Variants in TKT observed in about 807,000 individuals in gnomAD.
The protein encoded by TKT is epididymis luminal protein 107.
A neutral mutation model predicts 63.9 loss-of-function variants in TKT; 47 were observed. The ratio of observed to expected loss-of-function variants is 0.74; its 90% confidence interval spans 0.58 to 0.94. The LOEUF is 0.94. TKT is among the 40% of genes least tolerant of loss of function. TKT has a pLI of 0.00. For missense variants in TKT, 721 were observed against 846.2 expected (o/e 0.85, Z 1.84); for synonymous variants, 338 against 334.1 (o/e 1.01, Z -0.13).
Position 53,225,717 on chromosome 3 carries a change from A to G in TKT, c.*39T>C, listed in dbSNP as rs1553675271. 4 of 1,529,272 alleles carry G rather than the reference A, an allele frequency of 2.6e-6. No homozygotes were observed. The highest frequency in any genetic ancestry group is 2.3e-5 in the East Asian group (1 of 42,962). The allele number at this position is 1,529,272 out of a possible 1,614,324, so 94.7% of individuals were successfully genotyped here. A position where few individuals can be genotyped will look rare whatever the true frequency, so the allele number is the denominator to read the frequency against. On this transcript the variant is annotated 3_prime_UTR_variant, in exon 14 of 14. Coordinates refer to ENST00000462138, the MANE Select transcript of TKT (RefSeq NM_001064.4). ...CTTTGAGCACCTTTCCCAGAATCTC[A>G]GGAATGTATAGACCCCCGCCCCACA...
chr3:53,229,262 C>A lies in TKT; in HGVS notation c.1264+18G>T. Reference sequence around the variant, plus strand: ...AAGTCAAGGGAGCTCCAGGTGTAAACACCCTGGCTAAACTCACCGATGGAA... The same window carrying A: ...AAGTCAAGGGAGCTCCAGGTGTAAAAACCCTGGCTAAACTCACCGATGGAA... On this transcript the variant is annotated intron_variant, in intron 9 of 13. Coordinates refer to ENST00000462138, the MANE Select transcript of TKT (RefSeq NM_001064.4). 1 of 1,613,884 alleles carries A rather than the reference C, an allele frequency of 6.2e-7. No individual in the cohort carries two copies. Among genetic ancestry groups the A allele is most frequent in the Non-Finnish European group, 8.5e-7 (1 of 1,179,866 alleles).
Position 53,228,257 on chromosome 3 carries a change from G to T in TKT, c.1479+19C>A, listed in dbSNP as rs1052790458. 6 of 1,614,008 alleles carry T rather than the reference G, an allele frequency of 3.7e-6. No individual in the cohort carries two copies. In the East Asian group the frequency reaches 1.1e-4, roughly 30 times the overall value. ...GTCCAGGCAGCTCTGTGGGCTCCTG[G>T]GGCATGCGAGGCACTGACCTTGGCT... On this transcript the variant is annotated intron_variant, in intron 11 of 13. Coordinates refer to ENST00000462138, the MANE Select transcript of TKT (RefSeq NM_001064.4).
rs989282556 is a variant in TKT at position 53,231,462 on chromosome 3, C to G, written c.837G>C (p.Gln279His). The change falls in exon 7 of 14, where the codon CAG becomes CAC. Residue 279 changes from glutamine (Q) to histidine (H), a missense_variant. Coordinates refer to ENST00000462138, the MANE Select transcript of TKT (RefSeq NM_001064.4). ...QIIQEIYSQI[Q>H]SKKKILATPP... Reference sequence around the variant, plus strand: ...GGGTTGCCAGGATCTTCTTTTTGCTCTGGATCTGGCTGTAGATCTCCTGGA... The same window carrying G: ...GGGTTGCCAGGATCTTCTTTTTGCTGTGGATCTGGCTGTAGATCTCCTGGA... 8.1e-6 allele frequency: 13 copies of G among 1,614,186 alleles called. No homozygotes were observed. Among genetic ancestry groups the G allele is most frequent in the Non-Finnish European group, 1.1e-5 (13 of 1,180,028 alleles).
rs1559643211 is a variant in TKT at position 53,225,138 on chromosome 3, A to T, written c.*618T>A. 1 of 152,214 alleles carries T rather than the reference A, an allele frequency of 6.6e-6. No homozygotes were observed. Among genetic ancestry groups the T allele is most frequent in the Non-Finnish European group, 1.5e-5 (1 of 68,050 alleles). The allele number at this position is 152,214 out of a possible 1,614,324, so 9.4% of individuals were successfully genotyped here. ...TGAGGGGGACAGTTCCACACTTGGG[A>T]TTGAGGACCTCTCATGCCATCCTGA... is the stretch of plus-strand genomic sequence containing the variant. On this transcript the variant is annotated 3_prime_UTR_variant, in exon 14 of 14. Transcript: ENST00000462138.
intron 12 of TKT, chr3:53,227,749 G>A (rs1319951101): frequency 2.5e-5 from 8 of 325,392 alleles, no homozygotes; most frequent in Non-Finnish European, 2.3e-5. Flanking sequence ...ACTAGTGCCT[G>A]GCTGAGTGAT....
intron 12 of TKT, 29 bp from the exon 13 acceptor site, chr3:53,226,907 A>AG: frequency 6.3e-7 from 1 of 1,575,110 alleles, no homozygotes; most frequent in Non-Finnish European, 8.6e-7. Flanking sequence ...GGCGTGGCTG[A>AG]GGGGAGGGCT....
intron 1 of TKT, among the ~76,000 whole-genome samples, chr3:53,248,822 G>C (rs1301157805): frequency 6.6e-6 from 1 of 152,178 alleles, no homozygotes; most frequent in Admixed American, 6.5e-5. Flanking sequence ...TGGAAATGGG[G>C]AGTGACAGCA....
rs188610264 is a variant in TKT at position 53,254,541 on chromosome 3, T to C, written c.107+1295A>G. 8.5e-5 allele frequency among the ~76,000 whole-genome samples: 13 copies of C among 152,286 alleles called. No homozygotes were observed. In the South Asian group the frequency reaches 2.3e-3, roughly 27 times the overall value. ...TCTTAATAATATATCCTGAATGAAA[T>C]TGGCCAGAAGCCAGAATCTTGTCTG... On this transcript the variant is annotated intron_variant, in intron 1 of 13. Coordinates refer to ENST00000462138, the MANE Select transcript of TKT (RefSeq NM_001064.4).
intron 1 of TKT, 39 bp from the exon 2 acceptor site, chr3:53,242,281 C>T (rs1553680099): frequency 6.3e-7 from 1 of 1,586,804 alleles, no homozygotes; most frequent in Non-Finnish European, 8.6e-7. Flanking sequence ...GGCATCATGG[C>T]CCTGCACTCC....
At position 53,226,910 on chromosome 3, in the gene TKT, G is replaced by A. The variant is rs374862905; in HGVS notation, c.1574-32C>T. On this transcript the variant is annotated intron_variant, in intron 12 of 13. Transcript: ENST00000462138. The stretch of plus-strand genomic sequence containing the variant: ...GGGAGAGCACACGGCGTGGCTGAGG[G>A]GAGGGCTGGGCACCACTATCTGCCC... 7.4e-4 allele frequency: 1,166 copies of A among 1,572,878 alleles called. 11 individuals are homozygous for A. The South Asian group carries it at 0.013, about 18-fold the overall frequency.
intron 3 of TKT, 41 bp downstream of exon 3, chr3:53,241,091 G>A (rs1553679719): frequency 2.7e-6 from 4 of 1,492,108 alleles, no homozygotes; most frequent in Non-Finnish European, 2.7e-6. Flanking sequence ...GAAATAGGAA[G>A]TGGAGGCAGA....
intron 3 of TKT, 56 bp from the exon 4 acceptor site, chr3:53,240,404 C>A: frequency 6.5e-7 from 1 of 1,533,746 alleles, no homozygotes; most frequent in Non-Finnish European, 8.9e-7. Context: ...CTGGTCTCAC[C>A]CGCCTAGGGA....
chr3:53,226,454 T>C (rs1448343410), intron 13 of TKT: 4 of 386,568 alleles, frequency 1.0e-5, no homozygotes, highest in Admixed American at 4.3e-5. Context: ...AGCTGCACCA[T>C]AGCTTCCACC....
At chr3:53,226,640 CTCTGGGTGT>C in intron 13 of TKT, 107 bp downstream of exon 13, 1 of 1,485,000 alleles carries the variant, frequency 6.7e-7, no homozygotes, top group Non-Finnish European at 9.3e-7. Context: ...TGAGGGACAG[CTCTGGGTGT>C]TCTGGGCCAC....
chr3:53,227,074 G>C, intron 12 of TKT, 196 bp from the exon 13 acceptor site: 1 of 629,336 alleles, frequency 1.6e-6, no homozygotes, highest in Non-Finnish European at 2.7e-6. Context: ...CTTGCACTGG[G>C]GCATCTGGTC....
intron 1 of TKT, among the ~76,000 whole-genome samples, chr3:53,252,100 A>AT (rs1355494687): frequency 2.0e-5 from 3 of 152,226 alleles, no homozygotes; most frequent in African/African-American, 7.2e-5. Flanking sequence ...AGATCGCACC[A>AT]TTGCACTCCA....
intron 1 of TKT, among the ~76,000 whole-genome samples, chr3:53,253,156 T>A (rs1705831664): frequency 6.6e-6 from 1 of 152,104 alleles, no homozygotes; most frequent in Admixed American, 6.6e-5. Context: ...CATTATTTAT[T>A]TTTGGAGACA....
rs1182863277 is a variant in TKT at position 53,225,910 on chromosome 3, G to C, written c.1718C>G (p.Ser573Cys). The C allele has an allele frequency of 6.2e-7, 1 of 1,611,834 alleles. No individual in the cohort carries two copies. Among genetic ancestry groups the C allele is most frequent in the Non-Finnish European group, 8.5e-7 (1 of 1,179,086 alleles). ...GCCAGGCTCGCCCACTACTGCACTG[G>C]ACACAGCCTCACCAATGCCACCTAG... ...YYEGGIGEAVSSAVVGEPGIT... is the reference protein window; with the variant it reads ...YYEGGIGEAVCSAVVGEPGIT... The change falls in exon 14 of 14, where the codon TCC becomes TGC. Residue 573 changes from serine to cysteine, a missense_variant. Physicochemically the swap from Ser to Cys is moderately radical, Grantham distance 112. Transcript: ENST00000462138.
At position 53,235,231 on chromosome 3, in the gene TKT, A is replaced by AC. The variant is rs1181400141; in HGVS notation, c.438-58dup. ...TCTCACCTGGACCCAGCTGGCTCCCACCCCCCCACCCATCCAAGGAGCCTG... is the reference window on the plus strand; with the variant it reads ...TCTCACCTGGACCCAGCTGGCTCCCACCCCCCCCACCCATCCAAGGAGCCTG... On this transcript the variant is annotated intron_variant, in intron 4 of 13. Transcript: ENST00000462138. 1.3e-4 allele frequency: 164 copies of AC among 1,245,060 alleles called. No homozygotes were observed. In the East Asian group the frequency reaches 1.9e-3, roughly 14 times the overall value. 77.1% of individuals were successfully genotyped at this position (1,245,060 alleles called of 1,614,324 possible). A position where few individuals can be genotyped will look rare whatever the true frequency, so the allele number is the denominator to read the frequency against.
Sources: gnomAD v4.1 joint callset for allele counts (sites outside exome capture counted in the v4.1 genomes callset) on GRCh38, gnomAD v4.1.1 for gene constraint, MANE v1.5 for transcripts, NCBI Gene and HGNC (gene_info 2026-07-23, HGNC 2026-07-21) for gene names.